NTPCR: variants seen among roughly 807,000 people sequenced by gnomAD.
NTPCR encodes cancer-related nucleoside-triphosphatase.
A neutral mutation model predicts 19.5 loss-of-function variants in NTPCR; 15 were observed. The observed-to-expected ratio is 0.77, with a 90% confidence interval of 0.51 to 1.18. NTPCR has a LOEUF of 1.18. NTPCR is among the 50% of genes most tolerant of loss of function. The pLI is 0.00. For missense variants in NTPCR, 206 were observed against 240.4 expected, an observed-to-expected ratio of 0.86 and a Z score of 0.95; for synonymous variants, 90 against 95.8, an observed-to-expected ratio of 0.94 and a Z score of 0.36.
rs1669304099 is a variant in NTPCR at position 232,982,319 on chromosome 1, C to A, written c.*4088C>A. ...CCTGGGGTGACTCCAATACTGCCAC[C>A]TTTTCTCTGTGGGTGCAGTTGCCTG... is the stretch of plus-strand genomic sequence containing the variant. On this transcript the variant is annotated 3_prime_UTR_variant, in exon 5 of 5. Transcript: ENST00000366628. 6.6e-6 allele frequency: 1 copy of A among 152,204 alleles called. No individual in the cohort carries two copies. Among genetic ancestry groups the A allele is most frequent in the African/African-American group, 2.4e-5 (1 of 41,448 alleles). 9.4% of individuals were successfully genotyped at this position (152,204 alleles called of 1,614,324 possible). A position where few individuals can be genotyped will look rare whatever the true frequency, so the allele number is the denominator to read the frequency against.
chr1:232,958,962 T>G (rs1022543349), intron 3 of NTPCR, among the ~76,000 whole-genome samples: 2 of 152,144 alleles, frequency 1.3e-5, no homozygotes, highest in African/African-American at 4.8e-5. Flanking sequence ...GCTGACCAGA[T>G]CAGAGCATAA....
chr1:232,970,362 A>G (rs1264348179), intron 4 of NTPCR, among the ~76,000 whole-genome samples: 1 of 152,166 alleles, frequency 6.6e-6, no homozygotes, highest in Non-Finnish European at 1.5e-5. Context: ...TTTTTCTTCC[A>G]TCTCCTCACC....
At chr1:232,961,016 A>G (rs537828214) in intron 3 of NTPCR, among the ~76,000 whole-genome samples, 91 of 152,278 alleles carry the variant, frequency 6.0e-4, no homozygotes, top group African/African-American at 2.1e-3. Context: ...ATCAGGGAAA[A>G]TGTTATGTAT....
At chr1:232,973,225 T>C (rs1669031842) in intron 4 of NTPCR, among the ~76,000 whole-genome samples, 1 of 151,880 alleles carries the variant, frequency 6.6e-6, no homozygotes, top group Non-Finnish European at 1.5e-5. Context: ...TTCCAATGAA[T>C]ATGCATAGTG....
At chr1:232,970,175 C>G in intron 4 of NTPCR, 57 bp downstream of exon 4, 2 of 1,355,890 alleles carry the variant, frequency 1.5e-6, no homozygotes, top group East Asian at 4.6e-5. Flanking sequence ...TCTAAAATAG[C>G]AGATGGCTCT....
intron 3 of NTPCR, among the ~76,000 whole-genome samples, chr1:232,959,840 A>G (rs959741422): frequency 6.6e-6 from 1 of 152,062 alleles, no homozygotes; most frequent in African/African-American, 2.4e-5. Flanking sequence ...GTGTTTTAAT[A>G]CTACAAAAAA....
At chr1:232,958,040 G>A (rs544072756) in intron 3 of NTPCR, among the ~76,000 whole-genome samples, 1 of 152,336 alleles carries the variant, frequency 6.6e-6, no homozygotes, top group Non-Finnish European at 1.5e-5. Flanking sequence ...AGGAGCAGGT[G>A]AAGAAGGTAA....
At chr1:232,975,757 C>T (rs924664476) in intron 4 of NTPCR, among the ~76,000 whole-genome samples, 4 of 152,116 alleles carry the variant, frequency 2.6e-5, no homozygotes, top group African/African-American at 4.8e-5. Context: ...TCTTAAGGCT[C>T]CAGTGCAGAA....
chr1:232,969,643 G>A (rs187849044), intron 3 of NTPCR: 40 of 350,162 alleles, frequency 1.1e-4, no homozygotes, highest in Middle Eastern at 1.7e-3. Context: ...ATTTATGTCC[G>A]TTACTTCCTT....
intron 3 of NTPCR, chr1:232,967,466 A>C (rs1558131504): frequency 6.6e-6 from 1 of 152,240 alleles, no homozygotes; most frequent in Non-Finnish European, 1.5e-5. Flanking sequence ...TTTTAAAATG[A>C]GGATTTCCAA....
At chr1:232,958,620 C>A (rs982743129) in intron 3 of NTPCR, among the ~76,000 whole-genome samples, 2 of 152,324 alleles carry the variant, frequency 1.3e-5, no homozygotes, top group Non-Finnish European at 1.5e-5. Flanking sequence ...CTCCTCCCAC[C>A]TCCTTCTTCC....
chr1:232,977,438 C>G (rs529886324), intron 4 of NTPCR: 1 of 152,298 alleles, frequency 6.6e-6, no homozygotes, highest in South Asian at 2.1e-4. Context: ...TAGGAAGGCA[C>G]TGTGATGGGA....
chr1:232,974,770 T>A (rs1669080147), intron 4 of NTPCR, among the ~76,000 whole-genome samples: 1 of 152,206 alleles, frequency 6.6e-6, no homozygotes, highest in Non-Finnish European at 1.5e-5. Flanking sequence ...ATTTTATCAG[T>A]AACCCAGTCC....
At chr1:232,974,239 T>G (rs1331236360) in intron 4 of NTPCR, among the ~76,000 whole-genome samples, 2 of 152,200 alleles carry the variant, frequency 1.3e-5, no homozygotes, top group Non-Finnish European at 2.9e-5. Flanking sequence ...AGGTGGTACA[T>G]TTTCCAAGTG....
At chr1:232,957,573 T>C (rs1351083816) in intron 3 of NTPCR, among the ~76,000 whole-genome samples, 1 of 152,250 alleles carries the variant, frequency 6.6e-6, no homozygotes, top group Non-Finnish European at 1.5e-5. Context: ...TTCTCTTTTT[T>C]CCTTGGTCAG....
At chr1:232,956,043 T>C (rs1668503330) in intron 2 of NTPCR, among the ~76,000 whole-genome samples, 1 of 152,246 alleles carries the variant, frequency 6.6e-6, no homozygotes, top group African/African-American at 2.4e-5. Flanking sequence ...TCTCACTTTA[T>C]AATTCTTAGT....
chr1:232,972,837 C>T (rs1323630999), intron 4 of NTPCR, among the ~76,000 whole-genome samples: 4 of 152,166 alleles, frequency 2.6e-5, no homozygotes, highest in Non-Finnish European at 5.9e-5. Flanking sequence ...TTGAGAGTGC[C>T]CTTCACATTC....
intron 3 of NTPCR, among the ~76,000 whole-genome samples, chr1:232,958,329 A>G (rs915431078): frequency 6.6e-6 from 1 of 152,174 alleles, no homozygotes; most frequent in Admixed American, 6.5e-5. Flanking sequence ...CACTGGTTCA[A>G]TCAGACTTCC....
At position 232,983,333 on chromosome 1, in the gene NTPCR, G is replaced by A. The variant is rs1333191325; in HGVS notation, c.*5102G>A. 6.6e-6 allele frequency: 1 copy of A among 152,206 alleles called. No homozygotes were observed. The highest frequency in any genetic ancestry group is 1.5e-5 in the Non-Finnish European group (1 of 68,038). 9.4% of individuals were successfully genotyped at this position (152,206 alleles called of 1,614,324 possible). On this transcript the variant is annotated 3_prime_UTR_variant, in exon 5 of 5. Coordinates refer to ENST00000366628, the MANE Select transcript of NTPCR (RefSeq NM_032324.3). Reference sequence around the variant, plus strand: ...CAGGTTCCTGGGGTCTTGAAGATGGGAAAAGTTGTCTCAGAATTTACCCAA... The same window carrying A: ...CAGGTTCCTGGGGTCTTGAAGATGGAAAAAGTTGTCTCAGAATTTACCCAA...
Sources: gnomAD v4.1 joint callset for allele counts (sites outside exome capture counted in the v4.1 genomes callset) on GRCh38, gnomAD v4.1.1 for gene constraint, MANE v1.5 for transcripts, NCBI Gene and HGNC (gene_info 2026-07-23, HGNC 2026-07-21) for gene names.